Variants in ASB2 observed in about 807,000 individuals in gnomAD.
ASB2 encodes the protein ankyrin repeat and SOCS box containing 2, also known as ankyrin repeat and SOCS box protein 2.
A neutral mutation model predicts 62.4 loss-of-function variants in ASB2; 58 were observed. That is an observed-to-expected ratio of 0.93 (90% CI 0.75 to 1.16). The LOEUF is 1.16. Ranked by LOEUF, ASB2 falls within the 50% of genes most tolerant of loss-of-function variation. The pLI, the probability that ASB2 is intolerant of heterozygous loss-of-function variation, is 0.00. For missense variants in ASB2, 928 were observed against 887.9 expected, an observed-to-expected ratio of 1.05 and a Z score of -0.57; for synonymous variants, 386 against 385.3, an observed-to-expected ratio of 1.00 and a Z score of -0.02.
At chr14:93,956,994 G>C (rs929576382) in intron 2 of ASB2, 124 bp from the exon 3 acceptor site, 1 of 1,537,876 alleles carries the variant, frequency 6.5e-7, no homozygotes, top group African/African-American at 1.4e-5. Context: ...CAGACACAGG[G>C]CTCTGAACCA....
At chr14:93,937,618 A>G in intron 9 of ASB2, 80 bp downstream of exon 9, 2 of 1,426,040 alleles carry the variant, frequency 1.4e-6, no homozygotes, top group Non-Finnish European at 1.9e-6. Context: ...AGGGTTAGGA[A>G]CAGTCGCACT....
chr14:93,947,270 C>A (rs1888760241), intron 7 of ASB2, 79 bp downstream of exon 7: 5 of 1,488,026 alleles, frequency 3.4e-6, no homozygotes, highest in Non-Finnish European at 4.6e-6. Context: ...ACATTCAGGG[C>A]AGGCCCACCC....
intron 3 of ASB2, among the ~76,000 whole-genome samples, chr14:93,955,774 G>A (rs1424439492): frequency 6.6e-6 from 1 of 152,190 alleles, no homozygotes; most frequent in East Asian, 1.9e-4. Flanking sequence ...CTATGAGTGG[G>A]GGAGGGTTCT....
intron 2 of ASB2, chr14:93,957,352 C>T (rs1335538314): frequency 5.8e-6 from 6 of 1,027,204 alleles, no homozygotes; most frequent in African/African-American, 1.7e-5. Context: ...GTACCTGTGC[C>T]CCCCACGCCC....
At chr14:93,941,598 G>A in intron 7 of ASB2, 1 of 455,870 alleles carries the variant, frequency 2.2e-6, no homozygotes, top group Non-Finnish European at 4.4e-6. Context: ...CAGAGGTGCT[G>A]GTCAAAGGCA....
chr14:93,951,715 C>T (rs903141757), intron 5 of ASB2, among the ~76,000 whole-genome samples: 1 of 152,208 alleles, frequency 6.6e-6, no homozygotes, highest in African/African-American at 2.4e-5. Flanking sequence ...ATTTCCCCTT[C>T]CAGTGGTACC....
chr14:93,961,406 A>G (rs1228964011), intron 2 of ASB2, among the ~76,000 whole-genome samples: 1 of 152,198 alleles, frequency 6.6e-6, no homozygotes, highest in Non-Finnish European at 1.5e-5. Context: ...TCATTCACAG[A>G]TAGCCATGTG....
At chr14:93,962,324 C>T (rs555784524) in intron 2 of ASB2, among the ~76,000 whole-genome samples, 9 of 151,902 alleles carry the variant, frequency 5.9e-5, no homozygotes, top group Non-Finnish European at 1.2e-4. Context: ...CCGTTTTAGC[C>T]GGGATGGTCT....
chr14:93,954,515 G>A, intron 3 of ASB2, 32 bp from the exon 4 acceptor site: 2 of 1,611,372 alleles, frequency 1.2e-6, no homozygotes, highest in Non-Finnish European at 1.7e-6. Context: ...CAGTCCTCAA[G>A]GTCAGGCCAA....
chr14:93,953,708 T>C (rs1293082804), intron 4 of ASB2, among the ~76,000 whole-genome samples: 1 of 152,230 alleles, frequency 6.6e-6, no homozygotes, highest in Non-Finnish European at 1.5e-5. Context: ...AGATGCCACG[T>C]CCTCTGAGAA....
Position 93,954,343 on chromosome 14 carries a change from A to C in ASB2, c.452T>G (p.Val151Gly), listed in dbSNP as rs1173156208. 2 of 1,613,716 alleles carry C rather than the reference A, an allele frequency of 1.2e-6. No homozygotes were observed. Among genetic ancestry groups the C allele is most frequent in the Non-Finnish European group, 1.7e-6 (2 of 1,179,916 alleles). Residue 151 changes from valine to glycine, a missense_variant, in exon 4 of 10, where the codon GTG becomes GGG. Transcript: ENST00000555019. ...TCGCTGCAGGACTTTCAGGCAGCCCACCTGGCCATAGTATGCGGCCTCGTG... is the reference window on the plus strand; with the variant it reads ...TCGCTGCAGGACTTTCAGGCAGCCCCCCTGGCCATAGTATGCGGCCTCGTG... ...PLHEAAYYGQ[V>G]GCLKVLQRAY...
intron 7 of ASB2, among the ~76,000 whole-genome samples, chr14:93,943,454 G>C (rs578239021): frequency 2.0e-5 from 3 of 152,174 alleles, no homozygotes; most frequent in Admixed American, 6.5e-5. Flanking sequence ...AGACCAGCCC[G>C]GGCAACATGA....
chr14:93,938,233 C>CTTTTTTTT (rs35127276), intron 8 of ASB2, among the ~76,000 whole-genome samples: 1,086 of 67,644 alleles, frequency 0.016, 115 homozygotes, highest in East Asian at 0.057. Context: ...TAAGTTCTGA[C>CTTTTTTTT]TTTTTTTTTT....
At chr14:93,947,633 C>T (rs984052143) in intron 6 of ASB2, 113 bp from the exon 7 acceptor site, 6 of 1,041,100 alleles carry the variant, frequency 5.8e-6, no homozygotes, top group Non-Finnish European at 8.5e-6. Context: ...TGCACGGGAC[C>T]TTTAACAACG....
chr14:93,947,514 T>G lies in ASB2; in HGVS notation c.887A>C (p.Asp296Ala). The G allele has an allele frequency of 6.2e-7, 1 of 1,613,782 alleles. No individual in the cohort carries two copies. ...ALRFLAKYGADINTQASDNAS... is the reference protein window; with the variant it reads ...ALRFLAKYGAAINTQASDNAS... ...GTTGTCGCTGGCCTGCGTGTTGATG[T>G]CAGCACCTGGGGAAGGAGAAGAGAT... The change falls in exon 7 of 10, where the codon GAC becomes GCC. Residue 296 changes from aspartate to alanine, a missense_variant. Physicochemically the swap from Asp to Ala is moderately radical, Grantham distance 126. Transcript: ENST00000555019.
In ASB2 at chr14:93,934,624, G is replaced by A. The variant is rs201598812; in HGVS notation, c.*32C>T. 82 of 1,610,642 alleles carry A rather than the reference G, an allele frequency of 5.1e-5. No individual in the cohort carries two copies. The highest frequency in any genetic ancestry group is 6.5e-5 in the Non-Finnish European group (77 of 1,177,548). The stretch of plus-strand genomic sequence containing the variant: ...TCCTGAGACTTAGTAAGAAGAGTCT[G>A]AGGGGCTACTCCTCTCTCCCCGTGG... On this transcript the variant is annotated 3_prime_UTR_variant, in exon 10 of 10. Transcript: ENST00000555019.
At position 93,939,661 on chromosome 14, in the gene ASB2, A is replaced by G; in HGVS notation, c.1064T>C (p.Met355Thr). ...SKKGNYRIVQ[M>T]LLPVTSRTRI... is the part of the protein sequence containing the mutation. ...CGTGCGGCTGGTCACCGGCAGCAGCATCTGCACGATCCTGCCGGGTCGAGG... is the reference window on the plus strand; with the variant it reads ...CGTGCGGCTGGTCACCGGCAGCAGCGTCTGCACGATCCTGCCGGGTCGAGG... Residue 355 changes from methionine to threonine, a missense_variant, in exon 8 of 10, where the codon ATG (methionine) becomes ACG (threonine). Transcript: ENST00000555019. The G allele has an allele frequency of 6.7e-7, 1 of 1,500,070 alleles. No homozygotes were observed. The highest frequency in any genetic ancestry group is 8.8e-7 in the Non-Finnish European group (1 of 1,131,990). The allele number at this position is 1,500,070 out of a possible 1,614,324, so 92.9% of individuals were successfully genotyped here.
At chr14:93,958,110 C>T (rs1889287398) in intron 2 of ASB2, among the ~76,000 whole-genome samples, 3 of 152,186 alleles carry the variant, frequency 2.0e-5, no homozygotes, top group Admixed American at 2.0e-4. Context: ...CCCTCTGCTT[C>T]ATGCTCTCAG....
chr14:93,955,852 G>A (rs113859409), intron 3 of ASB2, among the ~76,000 whole-genome samples: 3,708 of 152,180 alleles, frequency 0.024, 77 homozygotes, highest in Non-Finnish European at 0.037. Flanking sequence ...CTCTCCAGCC[G>A]TGTCCTGCAG....
Sources: allele counts gnomAD v4.1 joint callset (sites outside exome capture counted in the v4.1 genomes callset), GRCh38; gene constraint gnomAD v4.1.1; transcripts MANE v1.5; gene names NCBI Gene and HGNC (gene_info 2026-07-23, HGNC 2026-07-21).